The following NR2F1 variants were observed in gnomAD, a reference collection of about 807,000 sequenced individuals.
NR2F1 encodes nuclear receptor subfamily 2 group F member 1.
NR2F1 carries 1 observed loss-of-function variant against 37.7 expected under a neutral mutation model. That is an observed-to-expected ratio of 0.03 (90% CI 0.01 to 0.13). The LOEUF is 0.13. Among genes scored for constraint, NR2F1 ranks in the 10% least tolerant of loss-of-function variants. The probability of loss-of-function intolerance (pLI) is 1.00; values close to 1 mark genes in which losing one functional copy is unlikely to be tolerated. For missense variants in NR2F1, 268 were observed against 578.4 expected (o/e 0.46, Z 5.50); for synonymous variants, 275 against 259.6 (o/e 1.06, Z -0.57).
Position 93,593,628 on chromosome 5 carries a change from A to G in NR2F1, c.1058A>G (p.Glu353Gly). The G allele has an allele frequency of 6.2e-7, 1 of 1,614,016 alleles. No individual in the cohort carries two copies. The highest frequency in any genetic ancestry group is 8.5e-7 in the Non-Finnish European group (1 of 1,179,994). ...SLQEKSQCAL[E>G]EYVRSQYPNQ... ...CAGGAGAAGTCGCAGTGCGCACTGGAGGAGTACGTGAGGAGCCAGTACCCC... is the reference window on the plus strand; with the variant it reads ...CAGGAGAAGTCGCAGTGCGCACTGGGGGAGTACGTGAGGAGCCAGTACCCC... Residue 353 changes from glutamate to glycine, a missense_variant, in exon 3 of 3, where the codon GAG (glutamate) becomes GGG (glycine). Around this residue, in one of 5 missense-constraint regions of NR2F1, gnomAD observed 99 missense variants for 191.9 expected, o/e 0.52. Transcript: ENST00000327111. This position sits in a 1 kb window ranked among gnomAD's most constrained non-coding sequence, Gnocchi z 5.6.
intron 1 of NR2F1, chr5:93,587,548 A>ATTT (rs59902398): frequency 0.027 from 5,668 of 207,918 alleles, 325 homozygotes; most frequent in African/African-American, 0.12. Context: ...TTTAACCCTG[A>ATTT]TTTTTTTTTT....
chr5:93,585,575 G>A, intron 1 of NR2F1, 89 bp downstream of exon 1: 2 of 1,083,440 alleles, frequency 1.8e-6, no homozygotes, highest in East Asian at 2.6e-5. Context: ...TGCTGTGTGG[G>A]GCTGGGGCTC....
intron 2 of NR2F1, among the ~76,000 whole-genome samples, chr5:93,592,722 C>G (rs1467480942): frequency 7.4e-6 from 1 of 134,824 alleles, no homozygotes; most frequent in Non-Finnish European, 1.6e-5. Context: ...CTGCCTGTAG[C>G]CTAGCTTTGT....
At position 93,585,194 on chromosome 5, in the gene NR2F1, G is replaced by T. The variant is rs1305029506; in HGVS notation, c.171G>T (p.Gln57His). 2 of 1,531,786 alleles carry T rather than the reference G, an allele frequency of 1.3e-6. No individual in the cohort carries two copies. Among genetic ancestry groups the T allele is most frequent in the Non-Finnish European group, 1.8e-6 (2 of 1,140,678 alleles). 94.9% of individuals were successfully genotyped at this position (1,531,786 alleles called of 1,614,324 possible). A position where few individuals can be genotyped will look rare whatever the true frequency, so the allele number is the denominator to read the frequency against. Residue 57 changes from glutamine (Q) to histidine (H), a missense_variant, in exon 1 of 3, where the codon CAG (glutamine) becomes CAT (histidine). By Grantham distance (24) the Gln-to-His change is conservative. This residue lies in a region of NR2F1 where 90 missense variants were observed against 106.5 expected (regional missense o/e 0.85). Coordinates refer to ENST00000327111, the MANE Select transcript of NR2F1 (RefSeq NM_005654.6). ...GAPHTPQTPG[Q>H]PGAPATPGTA... Reference sequence around the variant, plus strand: ...CGCACACGCCGCAGACCCCGGGCCAGCCCGGAGCGCCCGCCACCCCCGGCA... The same window carrying T: ...CGCACACGCCGCAGACCCCGGGCCATCCCGGAGCGCCCGCCACCCCCGGCA...
rs1452999563 is a variant in NR2F1 at position 93,593,665 on chromosome 5, C to T, written c.1095C>T (p.Ser365=). 6.2e-7 allele frequency: 1 copy of T among 1,614,182 alleles called. No homozygotes were observed. The change falls in exon 3 of 3, where the codon AGC becomes AGT. Residue 365 remains serine, a synonymous_variant. Coordinates refer to ENST00000327111, the MANE Select transcript of NR2F1 (RefSeq NM_005654.6). This position sits in a 1 kb window ranked among gnomAD's most constrained non-coding sequence, Gnocchi z 5.6. The stretch of plus-strand genomic sequence containing the variant: ...GGAGCCAGTACCCCAACCAGCCCAG[C>T]CGTTTTGGCAAACTGCTGCTGCGAC... ...YVRSQYPNQP[S]RFGKLLLRLP... is the part of the protein sequence containing the mutation.
In NR2F1 at chr5:93,594,008, C is replaced by CCGAG. The variant is rs1262079390; in HGVS notation, c.*168_*171dup. 2 of 611,424 alleles carry CCGAG rather than the reference C, an allele frequency of 3.3e-6. No individual in the cohort carries two copies. The highest frequency in any genetic ancestry group is 5.7e-6 in the Non-Finnish European group (2 of 349,458). The allele number at this position is 611,424 out of a possible 1,614,324, so 37.9% of individuals were successfully genotyped here. Reference sequence around the variant, plus strand: ...GCAGCCCACCCAGCAGAAATACAATCCGAGCTACAAAGCATGGGAAAAAGA... The same window carrying CCGAG: ...GCAGCCCACCCAGCAGAAATACAATCCGAGCGAGCTACAAAGCATGGGAAAAAGA... On this transcript the variant is annotated 3_prime_UTR_variant, in exon 3 of 3. Transcript: ENST00000327111.
chr5:93,586,245 C>T (rs1753231590), intron 1 of NR2F1, among the ~76,000 whole-genome samples: 1 of 152,110 alleles, frequency 6.6e-6, no homozygotes, highest in Non-Finnish European at 1.5e-5. Flanking sequence ...GCATGATACT[C>T]GTTTTATTTC....
rs759154495 is a variant in NR2F1 at position 93,583,916 on chromosome 5, AAAG to A, written c.-1101_-1099del. On this transcript the variant is annotated 5_prime_UTR_variant, in exon 1 of 3. Transcript: ENST00000327111. ...TTTCTCCCCCTTCCGTCACCTCCCG[AAAG>A]AAGAAGGCAGCGAGAGCCCGGCGCC... The A allele has an allele frequency of 2.6e-5, 4 of 152,330 alleles. No homozygotes were observed. Among genetic ancestry groups the A allele is most frequent in the South Asian group, 2.1e-4 (1 of 4,808 alleles). The allele number at this position is 152,330 out of a possible 1,614,324, so 9.4% of individuals were successfully genotyped here. A position where few individuals can be genotyped will look rare whatever the true frequency, so the allele number is the denominator to read the frequency against.
In NR2F1 at chr5:93,593,656, C is replaced by T. The variant is rs767095926; in HGVS notation, c.1086C>T (p.Asn362=). 1 of 1,614,152 alleles carries T rather than the reference C, an allele frequency of 6.2e-7. No homozygotes were observed. Among genetic ancestry groups the T allele is most frequent in the South Asian group, 1.1e-5 (1 of 91,080 alleles). Reference sequence around the variant, plus strand: ...AGTACGTGAGGAGCCAGTACCCCAACCAGCCCAGCCGTTTTGGCAAACTGC... The same window carrying T: ...AGTACGTGAGGAGCCAGTACCCCAATCAGCCCAGCCGTTTTGGCAAACTGC... The part of the protein sequence containing the change: ...LEEYVRSQYP[N]QPSRFGKLLL... Residue 362 remains asparagine, a synonymous_variant, in exon 3 of 3, where the codon AAC becomes AAT. Coordinates refer to ENST00000327111, the MANE Select transcript of NR2F1 (RefSeq NM_005654.6). The surrounding 1 kb of genome is among the most constrained non-coding windows in gnomAD (Gnocchi z 5.6).
Position 93,585,010 on chromosome 5 carries a change from C to G in NR2F1, c.-14C>G. 1.0e-6 allele frequency: 1 copy of G among 1,002,418 alleles called. No individual in the cohort carries two copies. The highest frequency in any genetic ancestry group is 1.2e-6 in the Non-Finnish European group (1 of 841,320). The allele number at this position is 1,002,418 out of a possible 1,614,324, so 62.1% of individuals were successfully genotyped here. A position where few individuals can be genotyped will look rare whatever the true frequency, so the allele number is the denominator to read the frequency against. ...GCAGCTCGGCTCCCCCCAGCGCTCC[C>G]CGGGCCCAAAGATATGGCAATGGTA... On this transcript the variant is annotated 5_prime_UTR_variant, in exon 1 of 3. Transcript: ENST00000327111.
At position 93,588,404 on chromosome 5, in the gene NR2F1, C is replaced by T. The variant is rs754346935; in HGVS notation, c.951C>T (p.Ala317=). The T allele has an allele frequency of 6.2e-7, 1 of 1,611,918 alleles. No individual in the cohort carries two copies. Among genetic ancestry groups the T allele is most frequent in the South Asian group, 1.1e-5 (1 of 91,016 alleles). The part of the protein sequence containing the change: ...EKLKALHVDS[A]EYSCLKAIVL... ...TCAAGGCGCTACACGTCGACTCAGC[C>T]GAGTACAGCTGCCTCAAAGCCATCG... The change falls in exon 2 of 3, where the codon GCC becomes GCT. Residue 317 remains alanine, a synonymous_variant. Transcript: ENST00000327111.
chr5:93,594,087 C>T lies in NR2F1; in HGVS notation c.*245C>T. The T allele has an allele frequency of 2.3e-6, 1 of 436,308 alleles. No homozygotes were observed. Among genetic ancestry groups the T allele is most frequent in the Non-Finnish European group, 4.0e-6 (1 of 248,742 alleles). The allele number at this position is 436,308 out of a possible 1,614,324, so 27.0% of individuals were successfully genotyped here. A position where few individuals can be genotyped will look rare whatever the true frequency, so the allele number is the denominator to read the frequency against. On this transcript the variant is annotated 3_prime_UTR_variant, in exon 3 of 3. Transcript: ENST00000327111. The stretch of plus-strand genomic sequence containing the variant: ...CGTTGGCGAGGAAAAACAAAACAAA[C>T]AAAAAAAAGAACCTTGTGTCTGTCT...
chr5:93,585,658 C>G (rs1355734642), intron 1 of NR2F1, 172 bp downstream of exon 1: 2 of 608,462 alleles, frequency 3.3e-6, no homozygotes, highest in Non-Finnish European at 2.9e-6. Flanking sequence ...CCCGCCCTCC[C>G]CAGCTCGCTG....
Position 93,585,374 on chromosome 5 carries a change from C to T in NR2F1, c.351C>T (p.Asn117=), listed in dbSNP as rs1329040695. Residue 117 remains asparagine, a synonymous_variant, in exon 1 of 3, where the codon AAC becomes AAT. Transcript: ENST00000327111. ...KSFFKRSVRR[N]LTYTCRANRN... ...TCTTCAAGAGGAGCGTCCGCAGGAACTTAACTTACACATGCCGTGCCAACA... is the reference window on the plus strand; with the variant it reads ...TCTTCAAGAGGAGCGTCCGCAGGAATTTAACTTACACATGCCGTGCCAACA... The T allele has an allele frequency of 1.2e-6, 2 of 1,613,980 alleles. No individual in the cohort carries two copies. Among genetic ancestry groups the T allele is most frequent in the East Asian group, 2.2e-5 (1 of 44,872 alleles).
intron 1 of NR2F1, among the ~76,000 whole-genome samples, chr5:93,586,642 G>A (rs1449622709): frequency 6.6e-6 from 1 of 151,734 alleles, no homozygotes; most frequent in Non-Finnish European, 1.5e-5. Flanking sequence ...CACAAGAAAA[G>A]AAATTGAATT....
chr5:93,586,875 TAAG>T (rs1270615670), intron 1 of NR2F1, among the ~76,000 whole-genome samples: 27 of 152,192 alleles, frequency 1.8e-4, no homozygotes, highest in Admixed American at 1.0e-3. Flanking sequence ...AAAGCAAACT[TAAG>T]AAAATAGAAC....
At chr5:93,587,875 C>T (rs760625331) in intron 1 of NR2F1, 42 bp from the exon 2 acceptor site, 11 of 1,530,938 alleles carry the variant, frequency 7.2e-6, no homozygotes, top group Non-Finnish European at 8.8e-6. Flanking sequence ...TCGCAAGCTC[C>T]CTGGATGCAC....
chr5:93,591,702 G>A (rs1011211960), intron 2 of NR2F1, among the ~76,000 whole-genome samples: 1 of 152,044 alleles, frequency 6.6e-6, no homozygotes, highest in Non-Finnish European at 1.5e-5. Context: ...AAAAAAATCT[G>A]CCGGGATACC....
At position 93,593,926 on chromosome 5, in the gene NR2F1, C is replaced by G. The variant is rs1753377946; in HGVS notation, c.*84C>G. ...CAAGGACTCCAAAGCCGCGGGGACA[C>G]CGGGAAGTGCAGCGGGCCAGGCAGG... On this transcript the variant is annotated 3_prime_UTR_variant, in exon 3 of 3. Transcript: ENST00000327111. This position sits in a 1 kb window ranked among gnomAD's most constrained non-coding sequence, Gnocchi z 5.6. 3.6e-6 allele frequency: 5 copies of G among 1,393,938 alleles called. No individual in the cohort carries two copies. The highest frequency in any genetic ancestry group is 1.4e-5 in the African/African-American group (1 of 70,316). The allele number at this position is 1,393,938 out of a possible 1,614,324, so 86.3% of individuals were successfully genotyped here. A position where few individuals can be genotyped will look rare whatever the true frequency, so the allele number is the denominator to read the frequency against.
Sources: gnomAD v4.1 joint callset for allele counts (sites outside exome capture counted in the v4.1 genomes callset) on GRCh38, gnomAD v4.1.1 for gene constraint, gnomAD v4.1.1 regional missense constraint, Gnocchi (gnomAD v3.1) non-coding constraint, MANE v1.5 for transcripts, NCBI Gene and HGNC (gene_info 2026-07-23, HGNC 2026-07-21) for gene names.